The following KTN1 variants were observed in gnomAD, a reference collection of about 807,000 sequenced individuals.
KTN1 encodes the protein kinectin.
A neutral mutation model predicts 222.5 loss-of-function variants in KTN1; 130 were observed. The observed-to-expected ratio is 0.58, with a 90% confidence interval of 0.51 to 0.68. KTN1 has a LOEUF of 0.68. Among genes scored for constraint, KTN1 ranks in the 30% least tolerant of loss-of-function variants. The pLI is 0.00. For synonymous variants in KTN1, 512 were observed against 496.3 expected, an observed-to-expected ratio of 1.03 and a Z score of -0.42; for missense variants, 1,508 against 1,500.4, an observed-to-expected ratio of 1.01 and a Z score of -0.08.
At chr14:55,596,211 C>T (rs1317658489) in intron 1 of KTN1, among the ~76,000 whole-genome samples, 1 of 149,170 alleles carries the variant, frequency 6.7e-6, no homozygotes, top group Non-Finnish European at 1.5e-5. Context: ...TAGTGGATGG[C>T]TTTTGATGTG....
At chr14:55,636,616 T>C in intron 10 of KTN1, 80 bp downstream of exon 10, 1 of 1,009,698 alleles carries the variant, frequency 9.9e-7, no homozygotes, top group South Asian at 1.6e-5. Flanking sequence ...GTGAAGAAAG[T>C]ATAATTTGGC....
chr14:55,651,785 C>T, intron 24 of KTN1, 105 bp from the exon 25 acceptor site: 1 of 698,576 alleles, frequency 1.4e-6, no homozygotes, highest in East Asian at 2.9e-5. Flanking sequence ...AAAAATTCAG[C>T]TAGTTTCTTT....
chr14:55,646,792 G>A (rs975056091), intron 18 of KTN1, among the ~76,000 whole-genome samples, 181 bp from the exon 19 acceptor site: 1 of 151,432 alleles, frequency 6.6e-6, no homozygotes, highest in Non-Finnish European at 1.5e-5. Context: ...TTGTGTAGAT[G>A]TATCTCTTTG....
rs192212040 is a variant in KTN1 at position 55,641,514 on chromosome 14, A to G, written c.2104-178A>G. On this transcript the variant is annotated intron_variant, in intron 17 of 43. Coordinates refer to ENST00000395314, the MANE Select transcript of KTN1 (RefSeq NM_001079521.2). ...TTCTAGTTTCTGGTCATGGCCAACC[A>G]AGTGCTAGGGTGCATCTCTGTGTCC... Among the ~76,000 whole-genome samples the G allele has an allele frequency of 1.9e-3, 284 of 152,146 alleles. 2 individuals are homozygous for G. Among genetic ancestry groups the G allele is most frequent in the Non-Finnish European group, 2.4e-3 (161 of 67,958 alleles).
At chr14:55,621,318 C>A (rs2039102160) in intron 5 of KTN1, among the ~76,000 whole-genome samples, 1 of 152,032 alleles carries the variant, frequency 6.6e-6, no homozygotes. Context: ...CTGCCTGTTA[C>A]CCAGTTGTAA....
intron 7 of KTN1, among the ~76,000 whole-genome samples, chr14:55,632,162 C>T (rs1026956098): frequency 1.3e-5 from 2 of 152,178 alleles, no homozygotes; most frequent in South Asian, 2.1e-4. Context: ...AACTGATTTT[C>T]CTAGCCTCAA....
At chr14:55,670,350 G>A (rs1244871846) in intron 34 of KTN1, among the ~76,000 whole-genome samples, 1 of 151,974 alleles carries the variant, frequency 6.6e-6, no homozygotes, top group East Asian at 1.9e-4. Flanking sequence ...CCTGGAAACA[G>A]TTTTGAAAAA....
At chr14:55,661,739 T>C (rs183058470) in intron 32 of KTN1, 127 bp downstream of exon 32, 144 of 501,524 alleles carry the variant, frequency 2.9e-4, no homozygotes, top group African/African-American at 2.3e-3. Flanking sequence ...AGTACTATTT[T>C]CTGTGTGTAG....
chr14:55,602,135 G>T (rs2036066761), intron 1 of KTN1, among the ~76,000 whole-genome samples: 5 of 152,170 alleles, frequency 3.3e-5, no homozygotes, highest in African/African-American at 1.2e-4. Flanking sequence ...ATAACTTAGA[G>T]CAAACTAAAT....
intron 32 of KTN1, among the ~76,000 whole-genome samples, chr14:55,662,492 C>G (rs1317697044): frequency 6.6e-6 from 1 of 151,992 alleles, no homozygotes; most frequent in Non-Finnish European, 1.5e-5. Flanking sequence ...AAATATGAAC[C>G]CTAATAACTT....
At chr14:55,625,868 G>A (rs1315398655) in intron 5 of KTN1, among the ~76,000 whole-genome samples, 1 of 151,868 alleles carries the variant, frequency 6.6e-6, no homozygotes, top group Non-Finnish European at 1.5e-5. Flanking sequence ...CCCTTTTCAT[G>A]TATTTTTGTT....
In KTN1 at chr14:55,641,556, T is replaced by C. The variant is rs942158322; in HGVS notation, c.2104-136T>C. The C allele has an allele frequency of 7.1e-6, 5 of 702,124 alleles. No homozygotes were observed. The African/African-American group carries it at 9.0e-5, about 13-fold the overall frequency. 43.5% of individuals were successfully genotyped at this position (702,124 alleles called of 1,614,324 possible). A position where few individuals can be genotyped will look rare whatever the true frequency, so the allele number is the denominator to read the frequency against. Reference sequence around the variant, plus strand: ...TCTGTGTCCAGTGAAATTTGAATTATGTCAGTGTATAATTCACCTGTCACT... The same window carrying C: ...TCTGTGTCCAGTGAAATTTGAATTACGTCAGTGTATAATTCACCTGTCACT... On this transcript the variant is annotated intron_variant, in intron 17 of 43. Coordinates refer to ENST00000395314, the MANE Select transcript of KTN1 (RefSeq NM_001079521.2).
chr14:55,616,095 C>T (rs982065812), intron 2 of KTN1, among the ~76,000 whole-genome samples: 3 of 151,322 alleles, frequency 2.0e-5, no homozygotes, highest in East Asian at 3.9e-4. Context: ...TTATTTTTTT[C>T]GTAGAGATGG....
intron 24 of KTN1, among the ~76,000 whole-genome samples, chr14:55,651,068 T>G (rs1309128767): frequency 6.6e-6 from 1 of 152,096 alleles, no homozygotes; most frequent in Non-Finnish European, 1.5e-5. Flanking sequence ...AATTGATGAG[T>G]TTTGCTGATT....
chr14:55,589,592 G>GA (rs2033708146), intron 1 of KTN1, among the ~76,000 whole-genome samples: 1 of 151,210 alleles, frequency 6.6e-6, no homozygotes. Flanking sequence ...TTACAGGCAT[G>GA]AGCCACCATG....
Position 55,617,700 on chromosome 14 carries a change from A to T in KTN1, c.662-264A>T, listed in dbSNP as rs185417948. 2.0e-4 allele frequency among the ~76,000 whole-genome samples: 31 copies of T among 152,332 alleles called. No homozygotes were observed. In the East Asian group the frequency reaches 5.0e-3, roughly 25 times the overall value. On this transcript the variant is annotated intron_variant, in intron 3 of 43. Transcript: ENST00000395314. ...AAAGGAGACTTAAGGATGCATAAAA[A>T]GTTTTTAGATACCATTAGAGGAGAT...
chr14:55,659,314 T>C (rs530108447), intron 30 of KTN1, among the ~76,000 whole-genome samples: 1 of 151,704 alleles, frequency 6.6e-6, no homozygotes, highest in Non-Finnish European at 1.5e-5. Context: ...TCTGTTTTTT[T>C]TTTTTTTTTT....
intron 28 of KTN1, 99 bp downstream of exon 28, chr14:55,653,695 A>G (rs914502061): frequency 1.2e-6 from 1 of 819,534 alleles, no homozygotes; most frequent in Admixed American, 2.2e-5. Context: ...TACATCATTA[A>G]CTTTATTGTT....
At chr14:55,619,822 A>T (rs1304389520) in intron 5 of KTN1, among the ~76,000 whole-genome samples, 2 of 152,164 alleles carry the variant, frequency 1.3e-5, no homozygotes, top group Non-Finnish European at 2.9e-5. Context: ...AAACCATAAC[A>T]TTCCACTCCA....
Sources: allele counts gnomAD v4.1 joint callset (sites outside exome capture counted in the v4.1 genomes callset), GRCh38; gene constraint gnomAD v4.1.1; transcripts MANE v1.5; gene names NCBI Gene and HGNC (gene_info 2026-07-23, HGNC 2026-07-21).